KCNN3: variants seen among roughly 807,000 people sequenced by gnomAD.
KCNN3 encodes potassium calcium-activated channel subfamily N member 3.
In KCNN3, 16 loss-of-function variants were observed where a neutral mutation model predicts 62.9. That is an observed-to-expected ratio of 0.25 (90% CI 0.17 to 0.39). The LOEUF (loss-of-function observed/expected upper bound fraction) is 0.39, where lower values mean the gene tolerates loss of function less well. KCNN3 is among the 10% of genes least tolerant of loss of function. The pLI is 1.00. For synonymous variants in KCNN3, 370 were observed against 389.2 expected, an observed-to-expected ratio of 0.95 and a Z score of 0.58; for missense variants, 599 against 949.4, an observed-to-expected ratio of 0.63 and a Z score of 4.85.
intron 5 of KCNN3, among the ~76,000 whole-genome samples, chr1:154,723,372 A>C (rs892955423): frequency 6.6e-6 from 1 of 152,210 alleles, no homozygotes. Context: ...GTGAGATGTT[A>C]TTCGATTAAA....
chr1:154,854,231 T>C lies in KCNN3; in HGVS notation c.933+14801A>G, dbSNP rs1354642771. Among the ~76,000 whole-genome samples the C allele has an allele frequency of 2.6e-5, 4 of 151,956 alleles. No homozygotes were observed. The East Asian group carries it at 7.7e-4, about 29-fold the overall frequency. ...GCCTGGGCGACAGAGCAAGACTCCA[T>C]CTCAAAAATAATAATAATAATAAAT... On this transcript the variant is annotated intron_variant, in intron 1 of 7. Coordinates refer to ENST00000271915, the MANE Select transcript of KCNN3 (RefSeq NM_002249.6).
chr1:154,812,359 T>C (rs1290792253), intron 2 of KCNN3, among the ~76,000 whole-genome samples: 2 of 152,178 alleles, frequency 1.3e-5, no homozygotes, highest in African/African-American at 4.8e-5. Context: ...GCTGCACCCA[T>C]TAACTCGTCA....
rs189836675 is a variant in KCNN3, at chr1:154,762,913, C to A, written c.1448+9062G>T. On this transcript the variant is annotated intron_variant, in intron 3 of 7. Transcript: ENST00000271915. ...TTACCATTTATTGAATAATCTATCG[C>A]TTCCCAGTTGGTTTTCTTTCTCGTA... 8.6e-4 allele frequency among the ~76,000 whole-genome samples: 131 copies of A among 152,286 alleles called. No individual in the cohort carries two copies. In the Middle Eastern group the frequency reaches 0.01, roughly 12 times the overall value.
chr1:154,714,544 G>A (rs1700184408), intron 6 of KCNN3, among the ~76,000 whole-genome samples: 2 of 41,394 alleles, frequency 4.8e-5, no homozygotes, highest in Non-Finnish European at 1.1e-4. Flanking sequence ...TGTGTGTGGG[G>A]TGTGTGTGTG....
At chr1:154,728,520 G>T (rs1037459097) in intron 4 of KCNN3, among the ~76,000 whole-genome samples, 3 of 152,140 alleles carry the variant, frequency 2.0e-5, no homozygotes, top group Non-Finnish European at 4.4e-5. Flanking sequence ...CCTTCATAAA[G>T]TGGTGGAGGA....
chr1:154,710,419 G>A (rs555012294), intron 7 of KCNN3, among the ~76,000 whole-genome samples: 54 of 152,334 alleles, frequency 3.5e-4, no homozygotes, highest in Non-Finnish European at 5.9e-4. Flanking sequence ...GAATGTCAGA[G>A]TTCATCTCCT....
chr1:154,823,716 A>T (rs1248676528), intron 1 of KCNN3, among the ~76,000 whole-genome samples: 1 of 152,242 alleles, frequency 6.6e-6, no homozygotes, highest in African/African-American at 2.4e-5. Flanking sequence ...AGTGAAACCT[A>T]CAGTAGAGCT....
At chr1:154,811,807 A>C (rs1650418638) in intron 2 of KCNN3, among the ~76,000 whole-genome samples, 1 of 152,218 alleles carries the variant, frequency 6.6e-6, no homozygotes, top group Non-Finnish European at 1.5e-5. Context: ...ATGCAACAAC[A>C]CTTGTATAGA....
At chr1:154,835,129 G>A (rs1175516356) in intron 1 of KCNN3, among the ~76,000 whole-genome samples, 1 of 152,162 alleles carries the variant, frequency 6.6e-6, no homozygotes, top group East Asian at 1.9e-4. Flanking sequence ...TCCTTCCAGG[G>A]TTGTTGTGAG....
chr1:154,775,871 C>T (rs1648767332), intron 2 of KCNN3, among the ~76,000 whole-genome samples: 1 of 152,242 alleles, frequency 6.6e-6, no homozygotes, highest in African/African-American at 2.4e-5. Context: ...CCTGGCCAAA[C>T]TCTTCAAATA....
At chr1:154,735,499 G>A (rs1397685504) in intron 3 of KCNN3, among the ~76,000 whole-genome samples, 4 of 152,200 alleles carry the variant, frequency 2.6e-5, no homozygotes, top group Non-Finnish European at 5.9e-5. Flanking sequence ...TTGCTCCCCA[G>A]GGATGCTCTG....
chr1:154,754,970 A>T (rs1237035497), intron 3 of KCNN3, among the ~76,000 whole-genome samples: 1 of 152,224 alleles, frequency 6.6e-6, no homozygotes, highest in African/African-American at 2.4e-5. Flanking sequence ...GAGAAGATGT[A>T]TATAAAACTT....
At chr1:154,841,318 A>C (rs530915897) in intron 1 of KCNN3, among the ~76,000 whole-genome samples, 1 of 152,308 alleles carries the variant, frequency 6.6e-6, no homozygotes, top group South Asian at 2.1e-4. Flanking sequence ...TTAATCCCCA[A>C]CAAACCCTGG....
intron 3 of KCNN3, among the ~76,000 whole-genome samples, chr1:154,764,282 T>C (rs1173783598): frequency 6.6e-6 from 1 of 152,220 alleles, no homozygotes; most frequent in Non-Finnish European, 1.5e-5. Context: ...TTTTCTGTCT[T>C]AGCTATGTGG....
chr1:154,708,597 C>T (rs1700011800), intron 7 of KCNN3, among the ~76,000 whole-genome samples: 1 of 152,016 alleles, frequency 6.6e-6, no homozygotes, highest in Non-Finnish European at 1.5e-5. Context: ...GCCACAACCT[C>T]TCAGCTCACA....
chr1:154,722,593 T>G (rs1700378980), intron 5 of KCNN3, among the ~76,000 whole-genome samples: 1 of 151,784 alleles, frequency 6.6e-6, no homozygotes, highest in Non-Finnish European at 1.5e-5. Flanking sequence ...AGCGTTTCAC[T>G]GTGTTAGCCA....
At chr1:154,739,275 T>A (rs1474457330) in intron 3 of KCNN3, among the ~76,000 whole-genome samples, 1 of 152,136 alleles carries the variant, frequency 6.6e-6, no homozygotes, top group African/African-American at 2.4e-5. Context: ...AAAACAAAAC[T>A]ACATGCAACA....
chr1:154,728,111 A>G (rs1700508543), intron 4 of KCNN3, among the ~76,000 whole-genome samples: 1 of 152,144 alleles, frequency 6.6e-6, no homozygotes, highest in African/African-American at 2.4e-5. Context: ...ATCATCCACC[A>G]TTCCAAATTT....
At chr1:154,748,469 TTC>T (rs1386790337) in intron 3 of KCNN3, among the ~76,000 whole-genome samples, 4 of 152,232 alleles carry the variant, frequency 2.6e-5, no homozygotes, top group Admixed American at 6.5e-5. Flanking sequence ...GATGATCTAC[TTC>T]TCATTTCATT....
Sources: allele counts gnomAD v4.1 joint callset (sites outside exome capture counted in the v4.1 genomes callset), GRCh38; gene constraint gnomAD v4.1.1; transcripts MANE v1.5; gene names NCBI Gene and HGNC (gene_info 2026-07-23, HGNC 2026-07-21).